Variants in HEMK2 observed in about 807,000 individuals in gnomAD.
HEMK2 encodes the protein HemK methyltransferase 2, ETF1 glutamine and histone H4 lysine.
chr21:28,850,349 C>T, the HEMK2 span, among the ~76,000 whole-genome samples: 24,231 of 151,592 alleles, frequency 0.16, 2,365 homozygotes, highest in East Asian at 0.49. Context: ...CTCAGCCTCC[C>T]GAGTAGCTGG....
chr21:28,878,260 G>GT, the HEMK2 span: 1 of 1,608,466 alleles, frequency 6.2e-7, no homozygotes, highest in Non-Finnish European at 8.5e-7. Context: ...TGGAACCAGG[G>GT]GAAAAAACCT....
At chr21:28,765,579 G>A in the HEMK2 span, among the ~76,000 whole-genome samples, 34 of 151,810 alleles carry the variant, frequency 2.2e-4, no homozygotes, top group Admixed American at 6.6e-4. Context: ...GCAAATTATT[G>A]GATTTGTCAT....
At chr21:28,809,801 A>T in the HEMK2 span, among the ~76,000 whole-genome samples, 1 of 152,200 alleles carries the variant, frequency 6.6e-6, no homozygotes, top group African/African-American at 2.4e-5. Context: ...TTAATTACAG[A>T]GTAGAATTCA....
chr21:28,620,660 C>CTTTTTTTTTTTTTTTTT, the HEMK2 span, among the ~76,000 whole-genome samples: 284 of 49,654 alleles, frequency 5.7e-3, 65 homozygotes, highest in South Asian at 7.4e-3. Flanking sequence ...TCTCTCTTTT[C>CTTTTTTTTTTTTTTTTT]TTTTTTTTTT....
chr21:28,637,599 A>G, the HEMK2 span, among the ~76,000 whole-genome samples: 1 of 152,190 alleles, frequency 6.6e-6, no homozygotes, highest in South Asian at 2.1e-4. Context: ...CTTTCAGTCA[A>G]CACTTGCATT....
chr21:28,658,562 G>A, the HEMK2 span, among the ~76,000 whole-genome samples: 2 of 152,018 alleles, frequency 1.3e-5, no homozygotes, highest in Non-Finnish European at 2.9e-5. Context: ...TTGTAATCTG[G>A]TCCTGCTATT....
At chr21:28,619,034 T>C in the HEMK2 span, among the ~76,000 whole-genome samples, 1 of 152,142 alleles carries the variant, frequency 6.6e-6, no homozygotes, top group Non-Finnish European at 1.5e-5. Context: ...CTTAATATGA[T>C]TGGTGTACTT....
At chr21:28,667,108 T>C in the HEMK2 span, among the ~76,000 whole-genome samples, 4 of 152,130 alleles carry the variant, frequency 2.6e-5, no homozygotes, top group Admixed American at 2.6e-4. Flanking sequence ...TTATTAGAAA[T>C]AAAGATAATA....
At chr21:28,737,870 T>C in the HEMK2 span, among the ~76,000 whole-genome samples, 1 of 152,098 alleles carries the variant, frequency 6.6e-6, no homozygotes, top group Non-Finnish European at 1.5e-5. Context: ...TAGCCAGTAA[T>C]ATACACAAAG....
the HEMK2 span, among the ~76,000 whole-genome samples, chr21:28,597,131 T>C: frequency 8.5e-5 from 13 of 152,218 alleles, no homozygotes; most frequent in South Asian, 1.0e-3. Context: ...CAATAAGATA[T>C]GATAGGCAAA....
the HEMK2 span, among the ~76,000 whole-genome samples, chr21:28,606,566 G>C: frequency 3.3e-5 from 5 of 152,138 alleles, no homozygotes; most frequent in Admixed American, 6.5e-5. Flanking sequence ...GGAAAAAACT[G>C]TGTTGAGGTA....
At chr21:28,613,337 C>T in the HEMK2 span, among the ~76,000 whole-genome samples, 3 of 151,932 alleles carry the variant, frequency 2.0e-5, no homozygotes, top group Non-Finnish European at 4.4e-5. Context: ...TTTGCTGATA[C>T]CTCCCTCCAT....
chr21:28,583,638 A>G, the HEMK2 span, among the ~76,000 whole-genome samples: 3 of 152,206 alleles, frequency 2.0e-5, no homozygotes, highest in African/African-American at 7.2e-5. Context: ...CTATTAAATG[A>G]TTTCAGAGAA....
chr21:28,602,866 G>A, the HEMK2 span, among the ~76,000 whole-genome samples: 1 of 152,206 alleles, frequency 6.6e-6, no homozygotes, highest in Non-Finnish European at 1.5e-5. Flanking sequence ...ATCAACAAGA[G>A]GAGTAGCCTG....
the HEMK2 span, among the ~76,000 whole-genome samples, chr21:28,881,047 T>A: frequency 1.3e-5 from 2 of 152,052 alleles, no homozygotes; most frequent in South Asian, 4.1e-4. Flanking sequence ...GTGCATGCTA[T>A]TATTATTTTT....
chr21:28,695,660 A>C, the HEMK2 span, among the ~76,000 whole-genome samples: 3 of 151,960 alleles, frequency 2.0e-5, no homozygotes, highest in Non-Finnish European at 2.9e-5. Flanking sequence ...GGATTATTAC[A>C]ATTCACGGTG....
the HEMK2 span, among the ~76,000 whole-genome samples, chr21:28,732,546 C>G: frequency 6.6e-6 from 1 of 152,216 alleles, no homozygotes; most frequent in Non-Finnish European, 1.5e-5. Context: ...CAATTTCCCT[C>G]TCTGGGACGC....
At chr21:28,802,000 C>T in the HEMK2 span, among the ~76,000 whole-genome samples, 1 of 152,232 alleles carries the variant, frequency 6.6e-6, no homozygotes, top group African/African-American at 2.4e-5. Context: ...TATATATAAG[C>T]TTTGGCTAAG....
At chr21:28,580,568 T>TA in the HEMK2 span, among the ~76,000 whole-genome samples, 96,789 of 148,116 alleles carry the variant, frequency 0.65, 32,387 homozygotes, top group Non-Finnish European at 0.75. Context: ...TTAATGCACT[T>TA]AAAAAAAAAA....
Sources: gnomAD v4.1 joint callset for allele counts (sites outside exome capture counted in the v4.1 genomes callset) on GRCh38, gnomAD v4.1.1 for gene constraint, MANE v1.5 for transcripts, NCBI Gene and HGNC (gene_info 2026-07-23, HGNC 2026-07-21) for gene names.